ALOX5: variants seen among roughly 807,000 people sequenced by gnomAD.
The protein encoded by ALOX5 is arachidonate 5-lipoxygenase.
ALOX5 carries 64 observed loss-of-function variants against 87.9 expected under a neutral mutation model. The observed-to-expected ratio is 0.73, with a 90% confidence interval of 0.60 to 0.90. The LOEUF (loss-of-function observed/expected upper bound fraction) is 0.90. Among genes scored for constraint, ALOX5 ranks in the 40% least tolerant of loss-of-function variants. The pLI, the probability that ALOX5 is intolerant of heterozygous loss-of-function variation, is 0.00. For synonymous variants in ALOX5, 388 were observed against 355.1 expected (o/e 1.09, Z -1.04); for missense variants, 822 against 907.5 (o/e 0.91, Z 1.21).
At chr10:45,438,560 A>T (rs1375344990) in intron 7 of ALOX5, among the ~76,000 whole-genome samples, 1 of 151,742 alleles carries the variant, frequency 6.6e-6, no homozygotes, top group East Asian at 1.9e-4. Context: ...ATGTCAGAGC[A>T]TGTGGGGACA....
intron 4 of ALOX5, among the ~76,000 whole-genome samples, chr10:45,417,923 C>T (rs1841354312): frequency 6.6e-6 from 1 of 152,192 alleles, no homozygotes; most frequent in South Asian, 2.1e-4. Flanking sequence ...CAGTGAGGTC[C>T]CCTCCCCTGT....
At chr10:45,427,154 C>T (rs1405239012) in intron 6 of ALOX5, among the ~76,000 whole-genome samples, 1 of 152,220 alleles carries the variant, frequency 6.6e-6, no homozygotes, top group African/African-American at 2.4e-5. Context: ...AGAAATGCTG[C>T]AGGCATTGGC....
intron 4 of ALOX5, among the ~76,000 whole-genome samples, chr10:45,418,653 A>G (rs1449027558): frequency 6.6e-6 from 1 of 152,122 alleles, no homozygotes; most frequent in Admixed American, 6.5e-5. Context: ...GCCCAGGCAG[A>G]GGTACGTGGG....
chr10:45,404,776 T>C (rs1427941854), intron 3 of ALOX5, among the ~76,000 whole-genome samples: 1 of 152,260 alleles, frequency 6.6e-6, no homozygotes, highest in Non-Finnish European at 1.5e-5. Flanking sequence ...GAAGAGTTAC[T>C]GTAGGGAATA....
At position 45,384,137 on chromosome 10, in the gene ALOX5, G is replaced by T. The variant is rs1264719245; in HGVS notation, c.349+1456G>T. 2.0e-5 allele frequency among the ~76,000 whole-genome samples: 3 copies of T among 152,340 alleles called. No homozygotes were observed. The East Asian group carries it at 5.8e-4, about 29-fold the overall frequency. ...CTGATGCAGGGGGAGGGGGAAGGTT[G>T]TGGGAGTAATGCAGAAGTATCCTGG... On this transcript the variant is annotated intron_variant, in intron 2 of 13. Coordinates refer to ENST00000374391, the MANE Select transcript of ALOX5 (RefSeq NM_000698.5).
chr10:45,422,627 C>T (rs1181105643), intron 4 of ALOX5, among the ~76,000 whole-genome samples: 2 of 152,160 alleles, frequency 1.3e-5, no homozygotes, highest in Non-Finnish European at 2.9e-5. Context: ...CATAGGGCAG[C>T]AGGCATAGAT....
intron 4 of ALOX5, among the ~76,000 whole-genome samples, chr10:45,423,598 C>T (rs978913618): frequency 6.6e-6 from 1 of 152,222 alleles, no homozygotes; most frequent in African/African-American, 2.4e-5. Flanking sequence ...GAAACTTCTC[C>T]TCAGCACCAA....
At chr10:45,418,418 C>G (rs1312070194) in intron 4 of ALOX5, among the ~76,000 whole-genome samples, 1 of 152,138 alleles carries the variant, frequency 6.6e-6, no homozygotes, top group Non-Finnish European at 1.5e-5. Context: ...ACACATCAGC[C>G]CCTCAGGGAA....
At chr10:45,415,021 G>T (rs1841222740) in intron 4 of ALOX5, among the ~76,000 whole-genome samples, 1 of 152,252 alleles carries the variant, frequency 6.6e-6, no homozygotes. Flanking sequence ...GTGGAAGACA[G>T]TGTGACGATT....
chr10:45,432,301 A>G (rs1841930379), intron 7 of ALOX5, among the ~76,000 whole-genome samples: 1 of 151,538 alleles, frequency 6.6e-6, no homozygotes, highest in African/African-American at 2.4e-5. Flanking sequence ...TTGAGGCTGC[A>G]GTGAGCCATG....
At chr10:45,432,903 G>A (rs1299483742) in intron 7 of ALOX5, among the ~76,000 whole-genome samples, 1 of 152,304 alleles carries the variant, frequency 6.6e-6, no homozygotes, top group East Asian at 1.9e-4. Context: ...CATAACAGAA[G>A]TGACAGCTAA....
intron 6 of ALOX5, among the ~76,000 whole-genome samples, chr10:45,428,210 GCT>G (rs1320035908): frequency 6.6e-6 from 1 of 151,316 alleles, no homozygotes; most frequent in Non-Finnish European, 1.5e-5. Context: ...CCCTGTCCTG[GCT>G]CTGACTGGGG....
rs1554796926 is a variant in ALOX5 at position 45,425,168 on chromosome 10, A to C, written c.834+36A>C. ...ATGGGCTGGGGAAGTGGCCAAGGTCACAGTCTGTCAGGTGGAAGCCAGTTC... is the reference window on the plus strand; with the variant it reads ...ATGGGCTGGGGAAGTGGCCAAGGTCCCAGTCTGTCAGGTGGAAGCCAGTTC... On this transcript the variant is annotated intron_variant, in intron 6 of 13. Transcript: ENST00000374391. The surrounding 1 kb of genome is among the most constrained non-coding windows in gnomAD (Gnocchi z 4.4). 1 of 1,596,214 alleles carries C rather than the reference A, an allele frequency of 6.3e-7. No homozygotes were observed. Among genetic ancestry groups the C allele is most frequent in the Admixed American group, 1.7e-5 (1 of 58,168 alleles).
At chr10:45,421,062 T>TA (rs1841489043) in intron 4 of ALOX5, among the ~76,000 whole-genome samples, 1 of 152,244 alleles carries the variant, frequency 6.6e-6, no homozygotes, top group Admixed American at 6.5e-5. Flanking sequence ...AGGTGGCTGT[T>TA]ACCTGCCTGT....
chr10:45,428,353 C>A (rs1841802429), intron 6 of ALOX5: 4 of 516,468 alleles, frequency 7.7e-6, no homozygotes, highest in Non-Finnish European at 1.0e-5. Flanking sequence ...TCTCATCTTT[C>A]GTGCCAGTCA....
At chr10:45,393,708 T>C (rs1255946092) in intron 2 of ALOX5, among the ~76,000 whole-genome samples, 5 of 152,198 alleles carry the variant, frequency 3.3e-5, no homozygotes, top group Non-Finnish European at 5.9e-5. Context: ...GAAAACCCCA[T>C]TGTCTCAGCC....
At chr10:45,390,030 G>C (rs545518031) in intron 2 of ALOX5, among the ~76,000 whole-genome samples, 1 of 152,172 alleles carries the variant, frequency 6.6e-6, no homozygotes, top group South Asian at 2.1e-4. Flanking sequence ...ACAAAGGCAG[G>C]GGTTGCAATC....
intron 1 of ALOX5, among the ~76,000 whole-genome samples, chr10:45,374,961 A>C (rs1019292978): frequency 6.6e-6 from 1 of 152,142 alleles, no homozygotes; most frequent in African/African-American, 2.4e-5. Flanking sequence ...CTGTCCAGAC[A>C]TGACCACCAG....
chr10:45,391,172 C>T (rs889192500), intron 2 of ALOX5, among the ~76,000 whole-genome samples: 4 of 151,350 alleles, frequency 2.6e-5, no homozygotes, highest in East Asian at 3.9e-4. Context: ...GCTGCCATCT[C>T]GGCTCACTGC....
Sources: gnomAD v4.1 joint callset for allele counts (sites outside exome capture counted in the v4.1 genomes callset) on GRCh38, gnomAD v4.1.1 for gene constraint, Gnocchi (gnomAD v3.1) non-coding constraint, MANE v1.5 for transcripts, NCBI Gene and HGNC (gene_info 2026-07-23, HGNC 2026-07-21) for gene names.